The following FHOD3 variants were observed in gnomAD, a reference collection of about 807,000 sequenced individuals.
FHOD3 encodes the protein FH1/FH2 domain-containing protein 3.
Under a neutral mutation model 173.0 loss-of-function variants are expected in FHOD3, and 90 were observed. The ratio of observed to expected loss-of-function variants is 0.52; its 90% CI spans 0.44 to 0.62. The LOEUF is 0.62. Ranked by LOEUF, FHOD3 falls within the 20% of genes least tolerant of loss-of-function variation. The probability of loss-of-function intolerance (pLI) is 0.00; values close to 1 mark genes in which losing one functional copy is unlikely to be tolerated. For synonymous variants in FHOD3, 828 were observed against 823.0 expected, an observed-to-expected ratio of 1.01 and a Z score of -0.10; for missense variants, 1,945 against 2,034.7, an observed-to-expected ratio of 0.96 and a Z score of 0.85.
chr18:36,387,663 C>G (rs1057154147), intron 3 of FHOD3, among the ~76,000 whole-genome samples: 2 of 152,214 alleles, frequency 1.3e-5, no homozygotes, highest in Non-Finnish European at 2.9e-5. Flanking sequence ...AAGTTTCCCA[C>G]TTTCCCTGAG....
At chr18:36,350,312 A>G (rs2046063381) in intron 1 of FHOD3, among the ~76,000 whole-genome samples, 1 of 152,194 alleles carries the variant, frequency 6.6e-6, no homozygotes, top group African/African-American at 2.4e-5. Context: ...GCCTCCCACC[A>G]GAATCCTGGC....
chr18:36,466,826 T>C (rs987320898), intron 3 of FHOD3, among the ~76,000 whole-genome samples: 1 of 151,500 alleles, frequency 6.6e-6, no homozygotes, highest in East Asian at 2.0e-4. Flanking sequence ...TAAGATGTTA[T>C]CTTTAGTTTT....
At chr18:36,341,271 T>C (rs1368227573) in intron 1 of FHOD3, among the ~76,000 whole-genome samples, 1 of 152,204 alleles carries the variant, frequency 6.6e-6, no homozygotes, top group Non-Finnish European at 1.5e-5. Context: ...AAAAGTTAGA[T>C]GTTTGGGCTT....
Position 36,755,613 on chromosome 18 carries a change from G to T in FHOD3, c.4425+302G>T, listed in dbSNP as rs75574087. On this transcript the variant is annotated intron_variant, in intron 25 of 28. Transcript: ENST00000590592. ...ACATTAAATGTTTGATTCTATTTTT[G>T]TCCTCTGTGATGTGGGTAAAGTTGG... 4.5e-3 allele frequency among the ~76,000 whole-genome samples: 684 copies of T among 152,004 alleles called. 6 individuals are homozygous for T. The East Asian group carries it at 0.057, about 13-fold the overall frequency.
intron 3 of FHOD3, among the ~76,000 whole-genome samples, chr18:36,484,982 G>A (rs1014962771): frequency 7.9e-5 from 12 of 152,162 alleles, no homozygotes; most frequent in Non-Finnish European, 1.3e-4. Context: ...CACACAGAGG[G>A]TGTGGTCGAG....
intron 3 of FHOD3, among the ~76,000 whole-genome samples, chr18:36,406,690 G>A (rs1027882562): frequency 1.3e-5 from 2 of 152,134 alleles, no homozygotes; most frequent in South Asian, 2.1e-4. Flanking sequence ...AGGTTATTGC[G>A]GAATTTTGGA....
chr18:36,764,713 G>T (rs1275951867), intron 27 of FHOD3, among the ~76,000 whole-genome samples: 4 of 152,140 alleles, frequency 2.6e-5, no homozygotes. Context: ...CGTATGAAAG[G>T]GATTAGAATG....
chr18:36,375,228 C>G (rs559419469), intron 3 of FHOD3, among the ~76,000 whole-genome samples: 7 of 152,268 alleles, frequency 4.6e-5, no homozygotes, highest in Admixed American at 4.6e-4. Flanking sequence ...AAATGACAAT[C>G]GGAAATATGA....
intron 19 of FHOD3, among the ~76,000 whole-genome samples, chr18:36,722,194 G>T (rs1315423469): frequency 6.6e-6 from 1 of 152,164 alleles, no homozygotes; most frequent in Non-Finnish European, 1.5e-5. Context: ...CTGACTGCTG[G>T]TCTAAGATGT....
At chr18:36,335,224 G>A (rs911243913) in intron 1 of FHOD3, among the ~76,000 whole-genome samples, 1 of 152,148 alleles carries the variant, frequency 6.6e-6, no homozygotes, top group Non-Finnish European at 1.5e-5. Flanking sequence ...GGCCGGGCGC[G>A]GTGGCTCACG....
At chr18:36,379,851 A>G (rs2047646062) in intron 3 of FHOD3, among the ~76,000 whole-genome samples, 1 of 152,166 alleles carries the variant, frequency 6.6e-6, no homozygotes, top group Admixed American at 6.5e-5. Flanking sequence ...TATTTTTGGC[A>G]CTGGACAATC....
chr18:36,687,380 AGT>A (rs1443502073), intron 16 of FHOD3, among the ~76,000 whole-genome samples: 3 of 152,206 alleles, frequency 2.0e-5, no homozygotes, highest in Admixed American at 2.0e-4. Context: ...ATCATGGTTA[AGT>A]GTGTCTATTC....
intron 3 of FHOD3, among the ~76,000 whole-genome samples, chr18:36,396,984 T>C (rs1239364769): frequency 6.6e-6 from 1 of 152,206 alleles, no homozygotes; most frequent in African/African-American, 2.4e-5. Flanking sequence ...CACTTTTATT[T>C]TGAGCATTTC....
intron 17 of FHOD3, among the ~76,000 whole-genome samples, chr18:36,705,144 AAACACAGAGCAGAC>A (rs1016261032): frequency 1.3e-5 from 2 of 152,190 alleles, no homozygotes; most frequent in African/African-American, 4.8e-5. Context: ...AGACAAAATG[AAACACAGAGCAGAC>A]ATCACTGTCC....
intron 3 of FHOD3, among the ~76,000 whole-genome samples, chr18:36,482,239 G>A (rs1376838200): frequency 6.6e-6 from 1 of 152,212 alleles, no homozygotes; most frequent in Non-Finnish European, 1.5e-5. Flanking sequence ...CTACATTTCA[G>A]TGGGGGAGAC....
intron 3 of FHOD3, among the ~76,000 whole-genome samples, chr18:36,426,642 A>G (rs2050262598): frequency 6.6e-6 from 1 of 152,210 alleles, no homozygotes; most frequent in African/African-American, 2.4e-5. Flanking sequence ...GAAAGCATAG[A>G]CATGTGCATG....
At chr18:36,359,273 C>G (rs1027745626) in intron 2 of FHOD3, among the ~76,000 whole-genome samples, 3 of 152,176 alleles carry the variant, frequency 2.0e-5, no homozygotes, top group Admixed American at 6.5e-5. Flanking sequence ...TGTTCTTGTC[C>G]ATTACCCTGC....
At position 36,315,108 on chromosome 18, in the gene FHOD3, C is replaced by T. The variant is rs147157476; in HGVS notation, c.165+17108C>T. ...ATAGGCCATGATGGTGTCAGGCTGG[C>T]CTGGTCTCAGCCTACTCTCCTAATA... On this transcript the variant is annotated intron_variant, in intron 1 of 28. Coordinates refer to ENST00000590592, the MANE Select transcript of FHOD3 (RefSeq NM_001281740.3). Among the ~76,000 whole-genome samples the T allele has an allele frequency of 3.4e-3, 485 of 144,334 alleles. 3 individuals are homozygous for T. The highest frequency in any genetic ancestry group is 0.013 in the African/African-American group (451 of 33,744). 94.7% of individuals were successfully genotyped at this position (144,334 alleles called of 152,430 possible). A position where few individuals can be genotyped will look rare whatever the true frequency, so the allele number is the denominator to read the frequency against.
chr18:36,435,016 A>G (rs1185111302), intron 3 of FHOD3, among the ~76,000 whole-genome samples: 1 of 151,902 alleles, frequency 6.6e-6, no homozygotes, highest in Non-Finnish European at 1.5e-5. Flanking sequence ...TAATATTATT[A>G]GTTGAATATT....
Sources: gnomAD v4.1 joint callset for allele counts (sites outside exome capture counted in the v4.1 genomes callset) on GRCh38, gnomAD v4.1.1 for gene constraint, MANE v1.5 for transcripts, NCBI Gene and HGNC (gene_info 2026-07-23, HGNC 2026-07-21) for gene names.